Variants in FLT1 observed in about 807,000 individuals in gnomAD.
FLT1 encodes the protein fms related receptor tyrosine kinase 1.
Under a neutral mutation model 156.3 loss-of-function variants are expected in FLT1, and 49 were observed. The observed-to-expected ratio is 0.31, with a 90% CI of 0.25 to 0.40. The LOEUF is 0.40. FLT1 is among the 10% of genes least tolerant of loss of function. FLT1 has a pLI of 1.00. For missense variants in FLT1, 1,322 were observed against 1,637.2 expected, an observed-to-expected ratio of 0.81 and a Z score of 3.32; for synonymous variants, 594 against 583.8, an observed-to-expected ratio of 1.02 and a Z score of -0.25.
At chr13:28,467,164 T>C (rs1879896683) in intron 2 of FLT1, 35 bp from the exon 3 acceptor site, 2 of 1,521,004 alleles carry the variant, frequency 1.3e-6, no homozygotes, top group Admixed American at 3.3e-5. Flanking sequence ...AACATATTTA[T>C]GGCTGGGCCC....
intron 14 of FLT1, among the ~76,000 whole-genome samples, chr13:28,377,722 C>T (rs1255792426): frequency 6.6e-6 from 1 of 152,042 alleles, no homozygotes; most frequent in East Asian, 1.9e-4. Flanking sequence ...GCATTCTGGA[C>T]CTTTACAACT....
chr13:28,357,489 A>C, intron 15 of FLT1, 65 bp downstream of exon 15: 1 of 1,562,080 alleles, frequency 6.4e-7, no homozygotes, highest in Non-Finnish European at 8.8e-7. Flanking sequence ...GGAGGTGGAA[A>C]GTTAAACAAA....
intron 15 of FLT1, among the ~76,000 whole-genome samples, chr13:28,357,190 C>T (rs1479500749): frequency 6.6e-6 from 1 of 151,520 alleles, no homozygotes; most frequent in Non-Finnish European, 1.5e-5. Context: ...TCCTCACCTA[C>T]CCCCCTCCCT....
intron 15 of FLT1, among the ~76,000 whole-genome samples, chr13:28,348,400 C>T (rs914068869): frequency 3.3e-5 from 5 of 152,152 alleles, no homozygotes; most frequent in African/African-American, 1.2e-4. Context: ...TCCTGCTGTC[C>T]TCCCACTTGC....
intron 10 of FLT1, among the ~76,000 whole-genome samples, chr13:28,413,458 C>T (rs889246704): frequency 4.6e-5 from 7 of 151,680 alleles, no homozygotes; most frequent in East Asian, 1.9e-4. Flanking sequence ...CTCGTGGCCC[C>T]GCACTGGGGT....
chr13:28,493,910 C>A (rs1881599148), intron 1 of FLT1, among the ~76,000 whole-genome samples: 1 of 152,254 alleles, frequency 6.6e-6, no homozygotes, highest in South Asian at 2.1e-4. Flanking sequence ...GTCAAAATCG[C>A]CCGCCCTCTC....
chr13:28,330,656 AT>A (rs1415624418), intron 18 of FLT1, among the ~76,000 whole-genome samples: 14 of 148,484 alleles, frequency 9.4e-5, no homozygotes, highest in Non-Finnish European at 1.3e-4. Context: ...TAAAAAATCT[AT>A]TTCCCCCCTT....
At chr13:28,460,829 C>CACAT (rs1325672581) in intron 3 of FLT1, among the ~76,000 whole-genome samples, 9 of 151,122 alleles carry the variant, frequency 6.0e-5, no homozygotes, top group African/African-American at 2.2e-4. Context: ...CACACACACA[C>CACAT]GCACGTATGT....
intron 12 of FLT1, among the ~76,000 whole-genome samples, chr13:28,396,298 AT>A (rs1343557726): frequency 2.6e-5 from 4 of 152,192 alleles, no homozygotes; most frequent in African/African-American, 9.7e-5. Context: ...TTCCTCAGAA[AT>A]TGGGGGAGTG....
At chr13:28,453,513 T>C (rs369249995) in intron 3 of FLT1, among the ~76,000 whole-genome samples, 90 of 152,340 alleles carry the variant, frequency 5.9e-4, no homozygotes, top group African/African-American at 2.0e-3. Context: ...CTTTTGCATG[T>C]GTGCTGTCTC....
intron 15 of FLT1, among the ~76,000 whole-genome samples, chr13:28,355,676 A>C (rs1399284129): frequency 6.6e-6 from 1 of 152,188 alleles, no homozygotes; most frequent in Admixed American, 6.5e-5. Flanking sequence ...TAACATCACA[A>C]ACAGAGGCCA....
Position 28,405,831 on chromosome 13 carries a change from G to A in FLT1, c.1500C>T (p.Asn500=), listed in dbSNP as rs2137492281. The change falls in exon 11 of 30, where the codon AAC becomes AAT. Residue 500 remains asparagine (N), a synonymous_variant. Transcript: ENST00000282397. The part of the protein sequence containing the change: ...FILDADSNMG[N]RIESITQRMA... ...TGCGCTGAGTGATGCTCTCAATTCT[G>A]TTTCCCATGTTGCTGTCAGCATCCA... 1.2e-6 allele frequency: 2 copies of A among 1,610,428 alleles called. No individual in the cohort carries two copies. The highest frequency in any genetic ancestry group is 1.7e-6 in the Non-Finnish European group (2 of 1,177,736).
intron 14 of FLT1, 76 bp from the exon 15 acceptor site, chr13:28,357,761 C>T: frequency 7.4e-7 from 1 of 1,354,954 alleles, no homozygotes; most frequent in South Asian, 1.2e-5. Context: ...ACACAGCCTT[C>T]TTCCTATCAT....
intron 14 of FLT1, among the ~76,000 whole-genome samples, chr13:28,366,446 G>C (rs1873298094): frequency 6.6e-6 from 1 of 151,772 alleles, no homozygotes; most frequent in Non-Finnish European, 1.5e-5. Context: ...TTAATATTCA[G>C]CTCAGGATTA....
chr13:28,372,868 G>A (rs1351387018), intron 14 of FLT1, among the ~76,000 whole-genome samples: 1 of 151,454 alleles, frequency 6.6e-6, no homozygotes, highest in Non-Finnish European at 1.5e-5. Context: ...GCAACAGAGT[G>A]AGACTCTGTC....
intron 15 of FLT1, among the ~76,000 whole-genome samples, chr13:28,350,766 C>T (rs1338495210): frequency 6.6e-6 from 1 of 152,108 alleles, no homozygotes; most frequent in Admixed American, 6.6e-5. Flanking sequence ...TACTCTGTGC[C>T]CCAGTTTCCT....
chr13:28,428,016 C>T, intron 8 of FLT1, 95 bp from the exon 9 acceptor site: 1 of 1,027,166 alleles, frequency 9.7e-7, no homozygotes, highest in Non-Finnish European at 1.5e-6. Context: ...TCAAGTTGAC[C>T]AATTTCAAAC....
chr13:28,387,861 A>C (rs1157995432), intron 13 of FLT1: 2 of 1,059,260 alleles, frequency 1.9e-6, no homozygotes, highest in Admixed American at 1.1e-4. Flanking sequence ...TGAACAACTA[A>C]TACTCTATGG....
At chr13:28,421,195 T>C (rs1019152202) in intron 10 of FLT1, among the ~76,000 whole-genome samples, 1 of 152,244 alleles carries the variant, frequency 6.6e-6, no homozygotes, top group Non-Finnish European at 1.5e-5. Context: ...GTAACTATTT[T>C]AGACTCCAGT....
Sources: gnomAD v4.1 joint callset for allele counts (sites outside exome capture counted in the v4.1 genomes callset) on GRCh38, gnomAD v4.1.1 for gene constraint, MANE v1.5 for transcripts, NCBI Gene and HGNC (gene_info 2026-07-23, HGNC 2026-07-21) for gene names.